SLIT2: variants seen among roughly 807,000 people sequenced by gnomAD.
SLIT2 encodes the protein slit homolog 2 protein.
In SLIT2, 41 loss-of-function variants were observed where a neutral mutation model predicts 185.7. That is an observed-to-expected ratio of 0.22 (90% CI 0.17 to 0.29). The LOEUF is 0.29. SLIT2 is among the 10% of genes least tolerant of loss of function. The probability of loss-of-function intolerance (pLI) is 1.00; values close to 1 mark genes in which losing one functional copy is unlikely to be tolerated. For synonymous variants in SLIT2, 693 were observed against 680.2 expected (o/e 1.02, Z -0.29); for missense variants, 1,571 against 1,909.0 (o/e 0.82, Z 3.30).
chr4:20,513,391 T>C (rs934704002), intron 11 of SLIT2, among the ~76,000 whole-genome samples: 2 of 152,274 alleles, frequency 1.3e-5, no homozygotes, highest in Non-Finnish European at 2.9e-5. Context: ...ATCATTTTCC[T>C]GGTCACGTTC....
At position 20,486,354 on chromosome 4, in the gene SLIT2, G is replaced by A. The variant is rs545066162; in HGVS notation, c.611+83G>A. On this transcript the variant is annotated intron_variant, in intron 7 of 36. Transcript: ENST00000504154. Reference sequence around the variant, plus strand: ...TAGCATGTTCAGTAAGCAAAGGACAGGACCACTGGTTTACAAGGTAGACAA... The same window carrying A: ...TAGCATGTTCAGTAAGCAAAGGACAAGACCACTGGTTTACAAGGTAGACAA... The A allele has an allele frequency of 2.3e-4, 179 of 787,362 alleles. No homozygotes were observed. In the African/African-American group the frequency reaches 2.8e-3, roughly 12 times the overall value. The allele number at this position is 787,362 out of a possible 1,614,324, so 48.8% of individuals were successfully genotyped here. A position where few individuals can be genotyped will look rare whatever the true frequency, so the allele number is the denominator to read the frequency against.
At chr4:20,459,957 A>G (rs1713514721) in intron 4 of SLIT2, among the ~76,000 whole-genome samples, 1 of 147,464 alleles carries the variant, frequency 6.8e-6, no homozygotes, top group Admixed American at 7.0e-5. Context: ...TCTGCCTCCC[A>G]GTTTCAAGCG....
intron 18 of SLIT2, among the ~76,000 whole-genome samples, chr4:20,538,076 C>T (rs1193819832): frequency 1.3e-5 from 2 of 152,208 alleles, no homozygotes; most frequent in African/African-American, 4.8e-5. Context: ...TCTCCTGCCT[C>T]AGCCTCCTGA....
chr4:20,375,468 A>G (rs991057343), intron 4 of SLIT2, among the ~76,000 whole-genome samples: 7 of 152,122 alleles, frequency 4.6e-5, no homozygotes, highest in South Asian at 2.1e-4. Context: ...ATATCCTAAT[A>G]TGATAATTTT....
At position 20,421,686 on chromosome 4, in the gene SLIT2, T is replaced by C. The variant is rs78890848; in HGVS notation, c.396-46066T>C. ...AATATAAATAGATTTATTTTTACAA[T>C]GTAATGAGATGAGAGGGATCCTGTG... On this transcript the variant is annotated intron_variant, in intron 4 of 36. Transcript: ENST00000504154. Among the ~76,000 whole-genome samples the C allele has an allele frequency of 7.0e-3, 1,071 of 152,272 alleles. 22 individuals carry two copies. The highest frequency in any genetic ancestry group is 0.024 in the African/African-American group (1,006 of 41,558).
rs1352817522 is a variant in SLIT2, at chr4:20,472,382, ATATG to A, written c.467+4562_467+4565del. Among the ~76,000 whole-genome samples the A allele has an allele frequency of 3.0e-4, 12 of 39,436 alleles. 2 individuals are homozygous for A. The highest frequency in any genetic ancestry group is 1.1e-3 in the East Asian group (1 of 882). The allele number at this position is 39,436 out of a possible 152,430, so 25.9% of individuals were successfully genotyped here. A position where few individuals can be genotyped will look rare whatever the true frequency, so the allele number is the denominator to read the frequency against. ...TCTATATAGATATCTATATCTATAT[ATATG>A]TAGATATATAGATATAGATATCTAT... On this transcript the variant is annotated intron_variant, in intron 5 of 36. Coordinates refer to ENST00000504154, the MANE Select transcript of SLIT2 (RefSeq NM_004787.4).
At chr4:20,534,459 A>C (rs1722090142) in intron 18 of SLIT2, among the ~76,000 whole-genome samples, 1 of 152,198 alleles carries the variant, frequency 6.6e-6, no homozygotes, top group Admixed American at 6.5e-5. Flanking sequence ...TACTTACAAC[A>C]CTTTTGTATT....
chr4:20,606,897 T>C (rs1280907660), intron 33 of SLIT2, among the ~76,000 whole-genome samples: 1 of 152,216 alleles, frequency 6.6e-6, no homozygotes, highest in Non-Finnish European at 1.5e-5. Flanking sequence ...AAAAGCTTGT[T>C]AGTGGTGAAA....
chr4:20,479,916 C>G (rs561571464), intron 5 of SLIT2, among the ~76,000 whole-genome samples: 1 of 152,148 alleles, frequency 6.6e-6, no homozygotes, highest in Admixed American at 6.5e-5. Context: ...TATGATGTGC[C>G]TGTAGTATAT....
chr4:20,465,215 T>C (rs1159774650), intron 4 of SLIT2, among the ~76,000 whole-genome samples: 1 of 152,200 alleles, frequency 6.6e-6, no homozygotes, highest in East Asian at 1.9e-4. Context: ...TACCTATGTT[T>C]TCCACATATG....
chr4:20,401,706 A>G (rs1410630805), intron 4 of SLIT2, among the ~76,000 whole-genome samples: 3 of 151,860 alleles, frequency 2.0e-5, no homozygotes, highest in African/African-American at 7.2e-5. Context: ...CTGCCTGTGT[A>G]TGATCCCAAA....
At chr4:20,464,834 T>C (rs1420863405) in intron 4 of SLIT2, among the ~76,000 whole-genome samples, 1 of 152,120 alleles carries the variant, frequency 6.6e-6, no homozygotes, top group Non-Finnish European at 1.5e-5. Context: ...TTTTTGACTG[T>C]CAGTATTTTT....
At chr4:20,436,006 C>T (rs115505523) in intron 4 of SLIT2, among the ~76,000 whole-genome samples, 178 of 152,326 alleles carry the variant, frequency 1.2e-3, no homozygotes, top group African/African-American at 4.0e-3. Flanking sequence ...TACTGAGTGC[C>T]TGCCTTGTAC....
At chr4:20,520,114 C>A (rs1336695213) in intron 12 of SLIT2, among the ~76,000 whole-genome samples, 2 of 150,432 alleles carry the variant, frequency 1.3e-5, no homozygotes, top group African/African-American at 2.4e-5. Flanking sequence ...AGCGACAGTG[C>A]TGCAATAATT....
intron 4 of SLIT2, among the ~76,000 whole-genome samples, chr4:20,451,411 C>G (rs181624308): frequency 6.6e-5 from 10 of 152,304 alleles, no homozygotes; most frequent in East Asian, 1.9e-4. Flanking sequence ...CCAGCTAATG[C>G]AGCTAAAAGG....
intron 22 of SLIT2, among the ~76,000 whole-genome samples, chr4:20,546,662 G>C (rs1272578151): frequency 6.6e-6 from 1 of 151,934 alleles, no homozygotes; most frequent in Non-Finnish European, 1.5e-5. Context: ...TCAAAATTTT[G>C]ATTTTTTAGC....
chr4:20,345,720 GA>G (rs1721348398), intron 4 of SLIT2, among the ~76,000 whole-genome samples: 1 of 151,376 alleles, frequency 6.6e-6, no homozygotes, highest in Non-Finnish European at 1.5e-5. Context: ...ATTTTTAGTA[GA>G]GATGGGGATT....
chr4:20,368,219 C>CAAAAAAAAAAAAAAGAAAAAAAAAA (rs1723273594), intron 4 of SLIT2, among the ~76,000 whole-genome samples: 6 of 107,422 alleles, frequency 5.6e-5, no homozygotes, highest in African/African-American at 7.5e-5. Flanking sequence ...CACAAAATAG[C>CAAAAAAAAAAAAAAGAAAAAAAAAA]AAAAAAAAAA....
chr4:20,318,465 C>CG (rs1157187063), intron 4 of SLIT2, among the ~76,000 whole-genome samples: 1 of 152,140 alleles, frequency 6.6e-6, no homozygotes, highest in Admixed American at 6.5e-5. Flanking sequence ...AACACAAACA[C>CG]GGGAAACTAG....
Sources: allele counts gnomAD v4.1 joint callset (sites outside exome capture counted in the v4.1 genomes callset), GRCh38; gene constraint gnomAD v4.1.1; transcripts MANE v1.5; gene names NCBI Gene and HGNC (gene_info 2026-07-23, HGNC 2026-07-21).